EVA1C: variants seen among roughly 807,000 people sequenced by gnomAD.
EVA1C encodes protein eva-1 homolog C.
A neutral mutation model predicts 45.4 loss-of-function variants in EVA1C; 25 were observed. The observed-to-expected ratio is 0.55, with a 90% CI of 0.40 to 0.77. The LOEUF is 0.77. EVA1C is among the 30% of genes least tolerant of loss of function. The pLI, the probability that EVA1C is intolerant of heterozygous loss-of-function variation, is 0.00. For missense variants in EVA1C, 479 were observed against 554.8 expected (o/e 0.86, Z 1.37); for synonymous variants, 190 against 221.2 (o/e 0.86, Z 1.25).
upstream of EVA1C, chr21:32,412,193 T>C (rs2033845158): frequency 6.6e-6 from 1 of 152,142 alleles, no homozygotes; most frequent in Non-Finnish European, 1.5e-5. Flanking sequence ...TGGCGATAAC[T>C]GTATGTGCCG....
At chr21:32,492,429 G>A (rs2833850) in intron 4 of EVA1C, among the ~76,000 whole-genome samples, 33,839 of 151,976 alleles carry the variant, frequency 0.22, 4,460 homozygotes, top group Non-Finnish European at 0.29. Context: ...GCTGACTGAA[G>A]GAAAAGCATA....
At chr21:32,507,515 CATGTGTCTCTGTGTGT>C (rs2037766058) in intron 7 of EVA1C, among the ~76,000 whole-genome samples, 1 of 146,054 alleles carries the variant, frequency 6.8e-6, no homozygotes, top group East Asian at 2.1e-4. Context: ...TATCTGTGTG[CATGTGTCTCTGTGTGT>C]GCATGTGTGC....
intron 5 of EVA1C, among the ~76,000 whole-genome samples, chr21:32,498,308 T>A (rs1399868313): frequency 6.6e-6 from 1 of 152,026 alleles, no homozygotes; most frequent in Non-Finnish European, 1.5e-5. Context: ...TATCTGGGCA[T>A]GATGGCGCAT....
At chr21:32,454,700 T>C (rs934650507) in intron 2 of EVA1C, among the ~76,000 whole-genome samples, 2 of 152,048 alleles carry the variant, frequency 1.3e-5, no homozygotes, top group Non-Finnish European at 2.9e-5. Flanking sequence ...TTGTCGACCG[T>C]AGGAAATATG....
intron 1 of EVA1C, among the ~76,000 whole-genome samples, chr21:32,415,112 A>G (rs1271608513): frequency 6.6e-6 from 1 of 151,028 alleles, no homozygotes; most frequent in African/African-American, 2.4e-5. Flanking sequence ...GCTGACGCGA[A>G]CCCCATGTGG....
chr21:32,459,212 TCA>T (rs1323854462), intron 3 of EVA1C, among the ~76,000 whole-genome samples: 1 of 151,930 alleles, frequency 6.6e-6, no homozygotes, highest in Non-Finnish European at 1.5e-5. Flanking sequence ...TCACACTCAC[TCA>T]CACTGTCATA....
At chr21:32,493,948 T>C (rs1217021235) in intron 4 of EVA1C, among the ~76,000 whole-genome samples, 1 of 152,100 alleles carries the variant, frequency 6.6e-6, no homozygotes, top group Non-Finnish European at 1.5e-5. Flanking sequence ...TACAGGCACA[T>C]GCCACCACAC....
At chr21:32,473,400 G>C (rs1029844056) in intron 4 of EVA1C, among the ~76,000 whole-genome samples, 4 of 152,158 alleles carry the variant, frequency 2.6e-5, no homozygotes, top group Non-Finnish European at 5.9e-5. Flanking sequence ...CACTCGGCCT[G>C]TTCTCCCCAG....
upstream of EVA1C, among the ~76,000 whole-genome samples, chr21:32,411,754 C>T (rs1223685032): frequency 6.6e-6 from 1 of 152,232 alleles, no homozygotes; most frequent in East Asian, 1.9e-4. Context: ...GCCCTCCTCC[C>T]TTCCGCCGGC....
chr21:32,466,715 G>A (rs1487957385), intron 3 of EVA1C, among the ~76,000 whole-genome samples: 2 of 152,102 alleles, frequency 1.3e-5, no homozygotes, highest in Non-Finnish European at 2.9e-5. Flanking sequence ...ATTTGGGGCA[G>A]ACTTTTCATG....
At chr21:32,508,663 T>C (rs1220724462) in intron 7 of EVA1C, among the ~76,000 whole-genome samples, 1 of 152,240 alleles carries the variant, frequency 6.6e-6, no homozygotes, top group African/African-American at 2.4e-5. Context: ...CTTGGTATGC[T>C]TTGTGCTTTC....
intron 4 of EVA1C, among the ~76,000 whole-genome samples, chr21:32,483,476 A>AGCCACTCCTTTAGACTGGAGTAC (rs2036863419): frequency 6.6e-6 from 1 of 152,146 alleles, no homozygotes; most frequent in African/African-American, 2.4e-5. Context: ...AGCTCCAGCA[A>AGCCACTCCTTTAGACTGGAGTAC]GCCACTCCTT....
chr21:32,510,421 T>A (rs2037910202), intron 7 of EVA1C, among the ~76,000 whole-genome samples: 1 of 152,152 alleles, frequency 6.6e-6, no homozygotes, highest in East Asian at 1.9e-4. Context: ...CTATAAGTTT[T>A]AAGTCAGGCA....
chr21:32,487,793 C>T (rs2037023269), intron 4 of EVA1C, among the ~76,000 whole-genome samples: 1 of 151,908 alleles, frequency 6.6e-6, no homozygotes, highest in Non-Finnish European at 1.5e-5. Context: ...CCAAACCTTG[C>T]CGTGTGCATC....
chr21:32,505,941 G>A (rs568835925), intron 7 of EVA1C, among the ~76,000 whole-genome samples: 78 of 152,138 alleles, frequency 5.1e-4, no homozygotes, highest in South Asian at 2.3e-3. Flanking sequence ...ACTTGAAGCC[G>A]GTGGTCAGAG....
chr21:32,491,771 CTAGACTTG>C (rs1479241834), intron 4 of EVA1C, among the ~76,000 whole-genome samples: 1 of 149,608 alleles, frequency 6.7e-6, no homozygotes, highest in East Asian at 2.0e-4. Flanking sequence ...AGTCCAGTTA[CTAGACTTG>C]CTGCAAAACT....
chr21:32,412,001 T>G (rs1184306415), upstream of EVA1C: 1 of 152,310 alleles, frequency 6.6e-6, no homozygotes, highest in East Asian at 1.9e-4. Context: ...GGCGGCTGTT[T>G]GCGCCGGTGC....
At chr21:32,453,861 A>T (rs1489802462) in intron 2 of EVA1C, among the ~76,000 whole-genome samples, 1 of 152,190 alleles carries the variant, frequency 6.6e-6, no homozygotes, top group Non-Finnish European at 1.5e-5. Flanking sequence ...GTAGAAAGGG[A>T]AGGTAGGTTC....
At chr21:32,472,585 A>G (rs1380863416) in intron 4 of EVA1C, among the ~76,000 whole-genome samples, 1 of 152,106 alleles carries the variant, frequency 6.6e-6, no homozygotes, top group Admixed American at 6.5e-5. Context: ...GCAGTGAGCT[A>G]TGATCGCACC....
Sources: allele counts gnomAD v4.1 joint callset (sites outside exome capture counted in the v4.1 genomes callset), GRCh38; gene constraint gnomAD v4.1.1; transcripts MANE v1.5; gene names NCBI Gene and HGNC (gene_info 2026-07-23, HGNC 2026-07-21).